The following C13orf46 variants were observed in gnomAD, a reference collection of about 807,000 sequenced individuals.
C13orf46 encodes uncharacterized protein C13orf46.
rs918143930 is a variant in C13orf46 at position 113,954,228 on chromosome 13, G to C, written c.*2545C>G. ...AATAGACAGTGCACACAGCATCTCC[G>C]CCTGTGGCCTCTGACTGCCTTAGAG... On this transcript the variant is annotated 3_prime_UTR_variant, in exon 7 of 7. Transcript: ENST00000636427. 1 of 152,274 alleles carries C rather than the reference G, an allele frequency of 6.6e-6. No individual in the cohort carries two copies. The highest frequency in any genetic ancestry group is 2.1e-4 in the South Asian group (1 of 4,834). The allele number at this position is 152,274 out of a possible 1,614,324, so 9.4% of individuals were successfully genotyped here.
At chr13:113,942,189 G>A in the C13orf46 span, among the ~76,000 whole-genome samples, 1 of 152,220 alleles carries the variant, frequency 6.6e-6, no homozygotes, top group African/African-American at 2.4e-5. Context: ...ACAAACCACA[G>A]AATACAATAG....
intron 6 of C13orf46, among the ~76,000 whole-genome samples, chr13:113,964,613 A>C (rs2052619034): frequency 2.0e-5 from 3 of 148,800 alleles, no homozygotes; most frequent in South Asian, 2.1e-4. Flanking sequence ...CTTCCTCCCT[A>C]CTCTCCCTCC....
the C13orf46 span, among the ~76,000 whole-genome samples, chr13:113,941,546 G>A: frequency 6.6e-6 from 1 of 152,064 alleles, no homozygotes; most frequent in Non-Finnish European, 1.5e-5. Context: ...CTGGGCATTC[G>A]ATACCCTGGT....
chr13:113,945,360 A>G, the C13orf46 span, among the ~76,000 whole-genome samples: 1 of 151,924 alleles, frequency 6.6e-6, no homozygotes, highest in African/African-American at 2.4e-5. Context: ...CCTGGCTAAC[A>G]TGGAGAAACC....
the C13orf46 span, among the ~76,000 whole-genome samples, chr13:113,944,688 T>C: frequency 2.2e-5 from 1 of 45,564 alleles, no homozygotes; most frequent in African/African-American, 1.0e-4. Context: ...GTGTGACAAG[T>C]CCTCCAGGTG....
chr13:113,945,648 G>GAAAGAAAC, the C13orf46 span, among the ~76,000 whole-genome samples: 1 of 137,754 alleles, frequency 7.3e-6, no homozygotes, highest in African/African-American at 2.7e-5. Flanking sequence ...AAGAAAGAAA[G>GAAAGAAAC]AAAGAAAGAA....
the C13orf46 span, among the ~76,000 whole-genome samples, chr13:113,930,518 G>A: frequency 6.6e-6 from 1 of 152,302 alleles, no homozygotes. Flanking sequence ...GTGTGTCCTC[G>A]CCTCCAAATC....
At chr13:113,946,533 G>A in the C13orf46 span, among the ~76,000 whole-genome samples, 2 of 152,240 alleles carry the variant, frequency 1.3e-5, no homozygotes, top group African/African-American at 2.4e-5. Flanking sequence ...GTGGTCAGCT[G>A]TGTCAGGTAG....
downstream of C13orf46, among the ~76,000 whole-genome samples, chr13:113,952,945 C>G (rs2052495187): frequency 1.3e-5 from 2 of 152,224 alleles, no homozygotes; most frequent in African/African-American, 4.8e-5. Context: ...GAGCTGCTCT[C>G]GGGCTCTGCG....
At chr13:113,936,943 G>A in the C13orf46 span, among the ~76,000 whole-genome samples, 21 of 152,156 alleles carry the variant, frequency 1.4e-4, no homozygotes, top group Non-Finnish European at 2.6e-4. Context: ...ATAAAGGGGG[G>A]TAATCCTTTG....
chr13:113,953,271 G>A (rs976751237), downstream of C13orf46, among the ~76,000 whole-genome samples: 24 of 152,142 alleles, frequency 1.6e-4, no homozygotes, highest in Non-Finnish European at 2.8e-4. Context: ...GTGTGCCTGC[G>A]CCACGGAAAT....
At chr13:113,953,452 C>T (rs998472762), downstream of C13orf46, among the ~76,000 whole-genome samples, 15 of 152,124 alleles carry the variant, frequency 9.9e-5, no homozygotes, top group Non-Finnish European at 1.5e-4. Flanking sequence ...GCTCTTCCCC[C>T]GGACACTGTG....
chr13:113,954,336 T>C lies in C13orf46; in HGVS notation c.*2437A>G, dbSNP rs2052503406. 1 of 152,338 alleles carries C rather than the reference T, an allele frequency of 6.6e-6. No individual in the cohort carries two copies. The highest frequency in any genetic ancestry group is 2.4e-5 in the African/African-American group (1 of 41,464). The allele number at this position is 152,338 out of a possible 1,614,324, so 9.4% of individuals were successfully genotyped here. On this transcript the variant is annotated 3_prime_UTR_variant, in exon 7 of 7. Transcript: ENST00000636427. ...GGTATGTACGAGCATGTATGTGCTG[T>C]GTACATATGAATATGCACGTGTGCG...
chr13:113,969,059 A>G (rs2052677430), intron 2 of C13orf46, among the ~76,000 whole-genome samples: 1 of 152,258 alleles, frequency 6.6e-6, no homozygotes, highest in African/African-American at 2.4e-5. Context: ...AACCTTGCTC[A>G]AAGAACCAAA....
At chr13:113,930,846 C>A in the C13orf46 span, among the ~76,000 whole-genome samples, 2 of 152,186 alleles carry the variant, frequency 1.3e-5, no homozygotes, top group Non-Finnish European at 2.9e-5. Context: ...GAGCTGAGGC[C>A]CGGGTGGTCC....
chr13:113,970,849 G>T (rs543427682), intron 1 of C13orf46, among the ~76,000 whole-genome samples: 1 of 152,338 alleles, frequency 6.6e-6, no homozygotes, highest in Non-Finnish European at 1.5e-5. Context: ...CAACTCGGGT[G>T]AGCGGTGCTC....
Position 113,954,980 on chromosome 13 carries a change from C to CGAGGAGGAGGATCTGGCAGAGAG in C13orf46, c.*1770_*1792dup, listed in dbSNP as rs2052510902. 3.4e-5 allele frequency: 2 copies of CGAGGAGGAGGATCTGGCAGAGAG among 58,626 alleles called. No homozygotes were observed. Among genetic ancestry groups the CGAGGAGGAGGATCTGGCAGAGAG allele is most frequent in the Non-Finnish European group, 7.3e-5 (2 of 27,530 alleles). The allele number at this position is 58,626 out of a possible 1,614,324, so 3.6% of individuals were successfully genotyped here. On this transcript the variant is annotated 3_prime_UTR_variant, in exon 7 of 7. Transcript: ENST00000636427. ...GACGAGGAGGAGGATCTGGCGGAGA[C>CGAGGAGGAGGATCTGGCAGAGAG]GAGGAGGAGGATCTGGCAGAGAGGA...
At chr13:113,959,476 T>C (rs1477130952) in intron 6 of C13orf46, among the ~76,000 whole-genome samples, 1 of 152,072 alleles carries the variant, frequency 6.6e-6, no homozygotes, top group East Asian at 1.9e-4. Flanking sequence ...CAGTGGGAAA[T>C]GAATCATAAC....
intron 1 of C13orf46, among the ~76,000 whole-genome samples, chr13:113,970,771 T>G (rs1405300354): frequency 6.6e-6 from 1 of 152,134 alleles, no homozygotes; most frequent in East Asian, 1.9e-4. Flanking sequence ...CAGTCTTTTT[T>G]CGGGACCACT....
Sources: gnomAD v4.1 joint callset for allele counts (sites outside exome capture counted in the v4.1 genomes callset) on GRCh38, gnomAD v4.1.1 for gene constraint, MANE v1.5 for transcripts, NCBI Gene and HGNC (gene_info 2026-07-23, HGNC 2026-07-21) for gene names.